Variants in CSMD1 observed in about 807,000 individuals in gnomAD.
CSMD1 encodes CUB and sushi domain-containing protein 1.
Under a neutral mutation model 417.5 loss-of-function variants are expected in CSMD1, and 213 were observed. That is an observed-to-expected ratio of 0.51 (90% CI 0.46 to 0.57). CSMD1 has a LOEUF of 0.57. CSMD1 is among the 20% of genes least tolerant of loss of function. CSMD1 has a pLI of 0.00. For missense variants in CSMD1, 6,923 were observed against 4,529.7 expected (o/e 1.53, Z -15.17); for synonymous variants, 2,862 against 1,736.8 (o/e 1.65, Z -16.11).
intron 1 of CSMD1, among the ~76,000 whole-genome samples, chr8:4,949,415 G>T (rs1342744811): frequency 6.6e-6 from 1 of 152,086 alleles, no homozygotes; most frequent in African/African-American, 2.4e-5. Context: ...AAACTTTCCT[G>T]GAAAATTATT....
intron 2 of CSMD1, among the ~76,000 whole-genome samples, chr8:4,538,382 CCTG>C (rs1177392980): frequency 6.6e-6 from 1 of 151,920 alleles, no homozygotes; most frequent in Non-Finnish European, 1.5e-5. Flanking sequence ...ATGGCTTATG[CCTG>C]TAATCCAAGC....
chr8:4,958,642 G>A (rs898244185), intron 1 of CSMD1, among the ~76,000 whole-genome samples: 2 of 152,154 alleles, frequency 1.3e-5, no homozygotes, highest in Admixed American at 6.6e-5. Flanking sequence ...GGATCTATGT[G>A]AACCAGTCTT....
chr8:3,346,090 T>G (rs570863155), intron 22 of CSMD1, among the ~76,000 whole-genome samples: 1 of 152,338 alleles, frequency 6.6e-6, no homozygotes, highest in South Asian at 2.1e-4. Flanking sequence ...AATTTTACTA[T>G]AAACATTTTT....
chr8:3,892,958 A>T (rs907253758), intron 5 of CSMD1, among the ~76,000 whole-genome samples: 24 of 112,430 alleles, frequency 2.1e-4, no homozygotes, highest in Admixed American at 1.1e-4. Flanking sequence ...CTCAAGTCTG[A>T]CCACAGTGAT....
intron 3 of CSMD1, among the ~76,000 whole-genome samples, chr8:4,042,252 C>T (rs368966150): frequency 6.6e-6 from 1 of 152,094 alleles, no homozygotes; most frequent in Non-Finnish European, 1.5e-5. Context: ...TGCCTAAATA[C>T]AGCAATGAAG....
rs1327781681 is a variant in CSMD1, at chr8:4,009,867, A to C, written c.611-11757T>G. Among the ~76,000 whole-genome samples the C allele has an allele frequency of 4.0e-5, 6 of 151,890 alleles. No homozygotes were observed. The East Asian group carries it at 1.2e-3, about 29-fold the overall frequency. On this transcript the variant is annotated intron_variant, in intron 4 of 69. Coordinates refer to ENST00000635120, the MANE Select transcript of CSMD1 (RefSeq NM_033225.6). ...TCATGCCTGAGGCCATTAAGAGGGTACTCTCGTACATCCTTTGTCTTCCTT... is the reference window on the plus strand; with the variant it reads ...TCATGCCTGAGGCCATTAAGAGGGTCCTCTCGTACATCCTTTGTCTTCCTT...
chr8:4,003,066 A>C (rs1333733311), intron 4 of CSMD1, among the ~76,000 whole-genome samples: 1 of 152,174 alleles, frequency 6.6e-6, no homozygotes, highest in Non-Finnish European at 1.5e-5. Flanking sequence ...CAGCAGGGGG[A>C]TATTATTTAT....
chr8:4,072,813 C>G (rs886221530), intron 3 of CSMD1, among the ~76,000 whole-genome samples: 3 of 152,144 alleles, frequency 2.0e-5, no homozygotes, highest in African/African-American at 7.2e-5. Flanking sequence ...TCATAGGTTT[C>G]AAGGCAGCCC....
chr8:3,133,141 C>T (rs1391012889), intron 41 of CSMD1, among the ~76,000 whole-genome samples: 3 of 152,252 alleles, frequency 2.0e-5, no homozygotes, highest in Non-Finnish European at 4.4e-5. Flanking sequence ...GGCCGGCACA[C>T]AGCTTCTCCT....
intron 3 of CSMD1, among the ~76,000 whole-genome samples, chr8:4,116,256 A>G (rs1006907361): frequency 2.6e-5 from 4 of 151,980 alleles, no homozygotes; most frequent in Non-Finnish European, 5.9e-5. Context: ...AGCCTCCCAC[A>G]GTGCTGGGAT....
At chr8:4,224,273 C>G (rs1350436589) in intron 3 of CSMD1, among the ~76,000 whole-genome samples, 3 of 152,148 alleles carry the variant, frequency 2.0e-5, no homozygotes, top group Non-Finnish European at 4.4e-5. Context: ...ACACGTTTTT[C>G]CATAATTGTG....
At chr8:3,659,024 G>A (rs1798272041) in intron 7 of CSMD1, among the ~76,000 whole-genome samples, 1 of 152,168 alleles carries the variant, frequency 6.6e-6, no homozygotes, top group South Asian at 2.1e-4. Context: ...TCAGAGCAGT[G>A]TCATTTAATT....
chr8:4,491,297 C>T (rs1457268339), intron 2 of CSMD1, among the ~76,000 whole-genome samples: 2 of 152,248 alleles, frequency 1.3e-5, no homozygotes, highest in Admixed American at 6.5e-5. Flanking sequence ...AGATGCCTGA[C>T]GTGCCAAGGA....
chr8:3,617,329 A>G (rs1802191132), intron 7 of CSMD1, among the ~76,000 whole-genome samples: 1 of 152,210 alleles, frequency 6.6e-6, no homozygotes, highest in South Asian at 2.1e-4. Flanking sequence ...CTCGAATTTC[A>G]TGGAAAAACT....
chr8:4,585,372 C>G (rs1799647446), intron 2 of CSMD1, among the ~76,000 whole-genome samples: 1 of 152,032 alleles, frequency 6.6e-6, no homozygotes, highest in Non-Finnish European at 1.5e-5. Flanking sequence ...AAGGTTAATA[C>G]ACAATTTTTG....
chr8:3,910,855 C>T lies in CSMD1; in HGVS notation c.818+87048G>A, dbSNP rs764527824. The stretch of plus-strand genomic sequence containing the variant: ...AAATCTCTATCTTATTTCTGCCTTC[C>T]TTGGATGCAATGAATTTCAAGAGAA... On this transcript the variant is annotated intron_variant, in intron 5 of 69. Coordinates refer to ENST00000635120, the MANE Select transcript of CSMD1 (RefSeq NM_033225.6). Among the ~76,000 whole-genome samples, 2 of 152,130 alleles carry T rather than the reference C, an allele frequency of 1.3e-5. 1 individual carries two copies. Among genetic ancestry groups the T allele is most frequent in the Non-Finnish European group, 2.9e-5 (2 of 68,014 alleles).
At chr8:4,460,818 G>A (rs1407862905) in intron 2 of CSMD1, among the ~76,000 whole-genome samples, 1 of 152,088 alleles carries the variant, frequency 6.6e-6, no homozygotes, top group African/African-American at 2.4e-5. Context: ...GGCTCAAATG[G>A]CTTCACTGGT....
intron 3 of CSMD1, among the ~76,000 whole-genome samples, chr8:4,191,183 T>C (rs529261944): frequency 4.4e-4 from 67 of 152,200 alleles, no homozygotes; most frequent in East Asian, 5.8e-4. Context: ...GATCACGACG[T>C]CAGGAGATTG....
intron 5 of CSMD1, among the ~76,000 whole-genome samples, chr8:3,815,879 G>C (rs1323947311): frequency 6.6e-6 from 1 of 152,060 alleles, no homozygotes; most frequent in Non-Finnish European, 1.5e-5. Context: ...CTCCAGACTT[G>C]TTACACTAAA....
Sources: allele counts gnomAD v4.1 joint callset (sites outside exome capture counted in the v4.1 genomes callset), GRCh38; gene constraint gnomAD v4.1.1; transcripts MANE v1.5; gene names NCBI Gene and HGNC (gene_info 2026-07-23, HGNC 2026-07-21).